The following SLC25A42 variants were observed in gnomAD, a reference collection of about 807,000 sequenced individuals.
SLC25A42 encodes solute carrier family 25 member 42.
SLC25A42 carries 19 observed loss-of-function variants against 34.7 expected under a neutral mutation model. The ratio of observed to expected loss-of-function variants is 0.55; its 90% CI spans 0.38 to 0.80. The LOEUF (loss-of-function observed/expected upper bound fraction) is 0.80, where lower values mean the gene tolerates loss of function less well. Among genes scored for constraint, SLC25A42 ranks in the 30% least tolerant of loss-of-function variants. SLC25A42 has a pLI of 0.00. For missense variants in SLC25A42, 364 were observed against 441.3 expected (o/e 0.82, Z 1.57); for synonymous variants, 205 against 191.2 (o/e 1.07, Z -0.59).
At chr19:19,110,484 C>T in intron 7 of SLC25A42, 85 bp from the exon 8 acceptor site, 1 of 1,210,912 alleles carries the variant, frequency 8.3e-7, no homozygotes, top group East Asian at 3.1e-5. Context: ...CAGGTTGCTC[C>T]TAGGGGTGCA....
At chr19:19,105,437 G>A (rs1037761073) in intron 4 of SLC25A42, 124 bp from the exon 5 acceptor site, 80 of 1,151,824 alleles carry the variant, frequency 6.9e-5, no homozygotes, top group Middle Eastern at 4.9e-4. Context: ...GGGGTTATGT[G>A]CTGTGCATGG....
chr19:19,088,070 C>A (rs908616367), intron 1 of SLC25A42, among the ~76,000 whole-genome samples: 1 of 152,180 alleles, frequency 6.6e-6, no homozygotes. Context: ...GGTTGCTGCA[C>A]AGGTTTTGGG....
In SLC25A42 at chr19:19,110,687, G is replaced by A; in HGVS notation, c.768G>A (p.Thr256=). ...ATGTGGTGCGGCGGCGCATGCAGAC[G>A]GCCGGCGTCACGGGCTACCCGCGCG... is the stretch of plus-strand genomic sequence containing the variant. The part of the protein sequence containing the change: ...PLDVVRRRMQ[T]AGVTGYPRAS... The change falls in exon 8 of 8, where the codon ACG becomes ACA. Residue 256 remains threonine, a synonymous_variant. Transcript: ENST00000318596. 6.3e-7 allele frequency: 1 copy of A among 1,577,476 alleles called. No homozygotes were observed. Among genetic ancestry groups the A allele is most frequent in the Non-Finnish European group, 8.6e-7 (1 of 1,162,988 alleles).
At chr19:19,104,732 C>G (rs2059816860) in intron 3 of SLC25A42, among the ~76,000 whole-genome samples, 181 bp from the exon 4 acceptor site, 1 of 152,164 alleles carries the variant, frequency 6.6e-6, no homozygotes, top group Non-Finnish European at 1.5e-5. Flanking sequence ...CAGACACGTT[C>G]TCCTCTCAAT....
intron 2 of SLC25A42, among the ~76,000 whole-genome samples, chr19:19,100,767 C>T (rs1004209224): frequency 1.5e-4 from 23 of 152,232 alleles, no homozygotes; most frequent in African/African-American, 5.3e-4. Context: ...GTCTTGTACA[C>T]ACCCCCACCC....
chr19:19,085,156 A>G (rs1654924484), intron 1 of SLC25A42, among the ~76,000 whole-genome samples: 1 of 152,058 alleles, frequency 6.6e-6, no homozygotes, highest in Admixed American at 6.6e-5. Context: ...GCACCTCACC[A>G]TGAGGGGTAA....
At chr19:19,099,173 C>T (rs184280280) in intron 2 of SLC25A42, among the ~76,000 whole-genome samples, 30 of 152,272 alleles carry the variant, frequency 2.0e-4, no homozygotes, top group Admixed American at 3.3e-4. Flanking sequence ...TGGAACCAGA[C>T]GTCTGCAACC....
intron 1 of SLC25A42, among the ~76,000 whole-genome samples, chr19:19,071,294 G>T (rs1199695465): frequency 7.2e-5 from 11 of 151,976 alleles, no homozygotes; most frequent in Non-Finnish European, 1.5e-5. Flanking sequence ...GGTGTAAGCC[G>T]CCACGCCCAG....
chr19:19,073,423 T>G (rs1442854242), intron 1 of SLC25A42, among the ~76,000 whole-genome samples: 1 of 152,104 alleles, frequency 6.6e-6, no homozygotes, highest in East Asian at 1.9e-4. Flanking sequence ...TTTAGGAGCT[T>G]TGAAGGATGC....
At chr19:19,067,432 A>G (rs764367978) in intron 1 of SLC25A42, among the ~76,000 whole-genome samples, 1 of 151,964 alleles carries the variant, frequency 6.6e-6, no homozygotes, top group Non-Finnish European at 1.5e-5. Flanking sequence ...AAAAATTTTA[A>G]AATTAGCCGG....
At position 19,069,139 on chromosome 19, in the gene SLC25A42, C is replaced by A. The variant is rs10420573; in HGVS notation, c.-35+5024C>A. ...AACGATGTCCCCTGGAGGCCCCACC[C>A]TGTTCACAGAGCTATTTTTAAAATA... On this transcript the variant is annotated intron_variant, in intron 1 of 7. Coordinates refer to ENST00000318596, the MANE Select transcript of SLC25A42 (RefSeq NM_178526.5). Among the ~76,000 whole-genome samples the A allele has an allele frequency of 4.1e-3, 621 of 152,322 alleles. 7 individuals carry two copies. The highest frequency in any genetic ancestry group is 0.014 in the African/African-American group (600 of 41,570).
Position 19,080,633 on chromosome 19 carries a change from AT to A in SLC25A42, c.-34-15456del, listed in dbSNP as rs571313463. On this transcript the variant is annotated intron_variant, in intron 1 of 7. Coordinates refer to ENST00000318596, the MANE Select transcript of SLC25A42 (RefSeq NM_178526.5). ...CTCATCTCTACAAAAAAATTAAGAA[AT>A]TAAGGCTGGGCATGGTGGTGGTGCA... Among the ~76,000 whole-genome samples the A allele has an allele frequency of 4.7e-3, 718 of 152,078 alleles. 3 individuals carry two copies. The highest frequency in any genetic ancestry group is 7.5e-3 in the Non-Finnish European group (508 of 67,990).
At chr19:19,097,543 C>A (rs542384759) in intron 2 of SLC25A42, among the ~76,000 whole-genome samples, 1 of 152,342 alleles carries the variant, frequency 6.6e-6, no homozygotes, top group Admixed American at 6.5e-5. Context: ...GGTCACTTGC[C>A]GGGCATCACA....
intron 1 of SLC25A42, among the ~76,000 whole-genome samples, chr19:19,083,418 T>C (rs1193623091): frequency 2.0e-5 from 3 of 152,206 alleles, no homozygotes; most frequent in Non-Finnish European, 4.4e-5. Flanking sequence ...CATCTTTGAG[T>C]GCCATTATTG....
At chr19:19,097,346 G>A (rs1226887966) in intron 2 of SLC25A42, among the ~76,000 whole-genome samples, 1 of 152,208 alleles carries the variant, frequency 6.6e-6, no homozygotes, top group Non-Finnish European at 1.5e-5. Context: ...ACCACCAGGT[G>A]ACTGAGGCAC....
intron 1 of SLC25A42, among the ~76,000 whole-genome samples, chr19:19,083,264 G>A (rs543207123): frequency 1.4e-4 from 22 of 152,238 alleles, no homozygotes; most frequent in African/African-American, 5.1e-4. Flanking sequence ...TCCCCACATC[G>A]GGACCCTGGT....
rs2059619537 is a variant in SLC25A42 at position 19,069,725 on chromosome 19, G to T, written c.-35+5610G>T. On this transcript the variant is annotated intron_variant, in intron 1 of 7. Coordinates refer to ENST00000318596, the MANE Select transcript of SLC25A42 (RefSeq NM_178526.5). Reference sequence around the variant, plus strand: ...GCTGGAGTGCAGTGATATGATCATAGTTCACTGCAACCTCTAACTCTTTGG... The same window carrying T: ...GCTGGAGTGCAGTGATATGATCATATTTCACTGCAACCTCTAACTCTTTGG... 2.0e-5 allele frequency among the ~76,000 whole-genome samples: 3 copies of T among 152,116 alleles called. No homozygotes were observed. The South Asian group carries it at 6.2e-4, about 32-fold the overall frequency.
At chr19:19,108,105 G>A (rs1004538633) in intron 7 of SLC25A42, 60 bp downstream of exon 7, 1 of 1,513,732 alleles carries the variant, frequency 6.6e-7, no homozygotes, top group Non-Finnish European at 8.9e-7. Context: ...GGGGACAGCA[G>A]CTCCACCTGG....
rs773221554 is a variant in SLC25A42 at position 19,106,369 on chromosome 19, G to A, written c.481G>A (p.Val161Ile). 16 of 1,612,040 alleles carry A rather than the reference G, an allele frequency of 9.9e-6. No individual in the cohort carries two copies. In the South Asian group the frequency reaches 1.4e-4, roughly 14 times the overall value. The change falls in exon 6 of 8, where the codon GTA (valine) becomes ATA (isoleucine). Residue 161 changes from valine (V) to isoleucine (I), a missense_variant. Physicochemically the swap from Val to Ile is conservative, Grantham distance 29. Coordinates refer to ENST00000318596, the MANE Select transcript of SLC25A42 (RefSeq NM_178526.5). ...GGACCTGGTCAGAGCGCGGATGGCC[G>A]TAACCCCGAAGGAAATGTGAGTCCT... ...PLDLVRARMA[V>I]TPKEMYSNIF...
Sources: allele counts gnomAD v4.1 joint callset (sites outside exome capture counted in the v4.1 genomes callset), GRCh38; gene constraint gnomAD v4.1.1; transcripts MANE v1.5; gene names NCBI Gene and HGNC (gene_info 2026-07-23, HGNC 2026-07-21).